WWOX: variants seen among roughly 807,000 people sequenced by gnomAD.
WWOX encodes WW domain-containing oxidoreductase.
In WWOX, 69 loss-of-function variants were observed where a neutral mutation model predicts 46.2. The observed-to-expected ratio is 1.49, with a 90% CI of 1.23 to 1.82. The LOEUF (loss-of-function observed/expected upper bound fraction) is 1.82. Ranked by LOEUF, WWOX falls within the 40% of genes most tolerant of loss-of-function variation. The pLI, the probability that WWOX is intolerant of heterozygous loss-of-function variation, is 0.00. For missense variants in WWOX, 919 were observed against 542.6 expected, an observed-to-expected ratio of 1.69 and a Z score of -6.89; for synonymous variants, 359 against 202.6, an observed-to-expected ratio of 1.77 and a Z score of -6.56.
intron 8 of WWOX, among the ~76,000 whole-genome samples, chr16:78,791,939 T>C (rs930369382): frequency 6.6e-6 from 1 of 151,994 alleles, no homozygotes; most frequent in Admixed American, 6.6e-5. Context: ...AGAAGAGGCC[T>C]TCTCTTCACA....
intron 6 of WWOX, among the ~76,000 whole-genome samples, chr16:78,406,438 C>T (rs1401490417): frequency 1.0e-4 from 15 of 147,632 alleles, no homozygotes; most frequent in Admixed American, 2.1e-4. Context: ...CTGTAACCTC[C>T]GCCGCCCGGG....
rs368034015 is a variant in WWOX at position 78,813,120 on chromosome 16, C to T, written c.1056+380368C>T. On this transcript the variant is annotated intron_variant, in intron 8 of 8. Coordinates refer to ENST00000566780, the MANE Select transcript of WWOX (RefSeq NM_016373.4). Reference sequence around the variant, plus strand: ...TTTTCCAACTTGTATACACGTTGTTCTATAAGTGGTTGATTGTTTTTTAGG... The same window carrying T: ...TTTTCCAACTTGTATACACGTTGTTTTATAAGTGGTTGATTGTTTTTTAGG... 2.1e-5 allele frequency among the ~76,000 whole-genome samples: 3 copies of T among 144,848 alleles called. No individual in the cohort carries two copies. The East Asian group carries it at 6.0e-4, about 29-fold the overall frequency.
chr16:79,155,104 A>G (rs987996503), intron 8 of WWOX, among the ~76,000 whole-genome samples: 14 of 152,208 alleles, frequency 9.2e-5, no homozygotes, highest in African/African-American at 3.4e-4. Flanking sequence ...CAAGCCGGGA[A>G]TGGTGGCTCA....
chr16:78,154,283 C>T (rs1158276861), intron 4 of WWOX, among the ~76,000 whole-genome samples: 1 of 152,084 alleles, frequency 6.6e-6, no homozygotes, highest in East Asian at 1.9e-4. Context: ...GTATCTTGAG[C>T]GAGTCCATTG....
rs73575163 is a variant in WWOX, at chr16:79,099,305, C to G, written c.1057-112303C>G. 1.6e-3 allele frequency among the ~76,000 whole-genome samples: 246 copies of G among 152,264 alleles called. 1 individual carries two copies. Among genetic ancestry groups the G allele is most frequent in the African/African-American group, 5.7e-3 (235 of 41,554 alleles). ...TTGGTGGGGACAGGCAAACCAGATC[C>G]AAACCATAGTGACTATGATATATCT... On this transcript the variant is annotated intron_variant, in intron 8 of 8. Coordinates refer to ENST00000566780, the MANE Select transcript of WWOX (RefSeq NM_016373.4).
chr16:78,758,224 A>C (rs2049705010), intron 8 of WWOX, among the ~76,000 whole-genome samples: 2 of 152,220 alleles, frequency 1.3e-5, no homozygotes, highest in African/African-American at 4.8e-5. Context: ...ATATACAAAG[A>C]AAATAGAACT....
chr16:78,435,574 C>T (rs529860091), intron 8 of WWOX, among the ~76,000 whole-genome samples: 34 of 152,268 alleles, frequency 2.2e-4, no homozygotes, highest in Non-Finnish European at 4.0e-4. Context: ...TCGCAAAAAT[C>T]CCAGGTTTTG....
At chr16:78,351,362 G>A (rs891397088) in intron 5 of WWOX, among the ~76,000 whole-genome samples, 10 of 152,200 alleles carry the variant, frequency 6.6e-5, no homozygotes, top group Non-Finnish European at 1.2e-4. Flanking sequence ...TTGTCCAGCA[G>A]TTGTGTCAGG....
chr16:78,704,768 CCTTT>C (rs2048296845), intron 8 of WWOX, among the ~76,000 whole-genome samples: 1 of 152,246 alleles, frequency 6.6e-6, no homozygotes, highest in South Asian at 2.1e-4. Context: ...CCTGTTGACT[CCTTT>C]CTTTCAGGCA....
At chr16:79,206,280 C>T (rs984070692) in intron 8 of WWOX, 7 of 152,186 alleles carry the variant, frequency 4.6e-5, no homozygotes, top group Admixed American at 3.3e-4. Flanking sequence ...GCCGGAGCCC[C>T]GTGGAAGACA....
intron 8 of WWOX, among the ~76,000 whole-genome samples, chr16:78,922,042 C>G (rs1267643008): frequency 1.3e-5 from 2 of 152,328 alleles, no homozygotes; most frequent in South Asian, 2.1e-4. Flanking sequence ...TTTCTACTAT[C>G]TATGTGTGGC....
chr16:78,502,384 C>T (rs922882700), intron 8 of WWOX, among the ~76,000 whole-genome samples: 7 of 152,194 alleles, frequency 4.6e-5, no homozygotes, highest in African/African-American at 1.7e-4. Context: ...AATCTACTTG[C>T]TGTTTCTATG....
intron 8 of WWOX, among the ~76,000 whole-genome samples, chr16:78,833,515 C>G (rs149107092): frequency 6.6e-6 from 1 of 152,264 alleles, no homozygotes; most frequent in African/African-American, 2.4e-5. Flanking sequence ...GGTTACAATA[C>G]CTACAACGTG....
intron 8 of WWOX, among the ~76,000 whole-genome samples, chr16:78,446,746 C>T (rs534467261): frequency 4.7e-5 from 7 of 149,504 alleles, no homozygotes; most frequent in Non-Finnish European, 5.9e-5. Context: ...CTGCAGCCTC[C>T]GCCTCCCAAG....
intron 8 of WWOX, among the ~76,000 whole-genome samples, chr16:78,502,309 AG>A (rs1440030542): frequency 1.3e-5 from 2 of 152,208 alleles, no homozygotes; most frequent in Non-Finnish European, 2.9e-5. Context: ...CATTAACCCA[AG>A]AAAATGACCC....
intron 8 of WWOX, among the ~76,000 whole-genome samples, chr16:78,724,353 C>A (rs1027062817): frequency 1.3e-5 from 2 of 152,136 alleles, no homozygotes; most frequent in Non-Finnish European, 2.9e-5. Flanking sequence ...ATTGATGTGA[C>A]CTTTAGCAAC....
rs139197568 is a variant in WWOX, at chr16:78,798,718, C to T, written c.1056+365966C>T. Among the ~76,000 whole-genome samples the T allele has an allele frequency of 1.3e-3, 191 of 151,840 alleles. No homozygotes were observed. In the East Asian group the frequency reaches 0.034, roughly 27 times the overall value. ...ATATTAAAATAAGCTATGGGATGTA[C>T]AGCAGAGTATAACAATGATAAATGA... On this transcript the variant is annotated intron_variant, in intron 8 of 8. Transcript: ENST00000566780.
intron 7 of WWOX, among the ~76,000 whole-genome samples, chr16:78,427,216 AG>A (rs1746839762): frequency 6.6e-6 from 1 of 152,170 alleles, no homozygotes. Context: ...ACCCCCTGTT[AG>A]GGGAAAAAAG....
intron 8 of WWOX, among the ~76,000 whole-genome samples, chr16:79,007,989 C>T (rs929064047): frequency 6.6e-6 from 1 of 152,194 alleles, no homozygotes; most frequent in East Asian, 1.9e-4. Flanking sequence ...TATTTGTTAT[C>T]TCATAGCTCC....
Sources: gnomAD v4.1 joint callset for allele counts (sites outside exome capture counted in the v4.1 genomes callset) on GRCh38, gnomAD v4.1.1 for gene constraint, MANE v1.5 for transcripts, NCBI Gene and HGNC (gene_info 2026-07-23, HGNC 2026-07-21) for gene names.